Variants in DCBLD2 observed in about 807,000 individuals in gnomAD.
DCBLD2 encodes discoidin, CUB and LCCL domain-containing protein 2.
DCBLD2 carries 54 observed loss-of-function variants against 86.8 expected under a neutral mutation model. The ratio of observed to expected loss-of-function variants is 0.62; its 90% CI spans 0.50 to 0.78. The LOEUF (loss-of-function observed/expected upper bound fraction) is 0.78, where lower values mean the gene tolerates loss of function less well. Ranked by LOEUF, DCBLD2 falls within the 30% of genes least tolerant of loss-of-function variation. The probability of loss-of-function intolerance (pLI) is 0.00; values close to 1 mark genes in which losing one functional copy is unlikely to be tolerated. For missense variants in DCBLD2, 908 were observed against 954.2 expected (o/e 0.95, Z 0.64); for synonymous variants, 354 against 341.3 (o/e 1.04, Z -0.41).
intron 2 of DCBLD2, among the ~76,000 whole-genome samples, chr3:98,862,662 A>G (rs940940714): frequency 3.9e-5 from 6 of 152,214 alleles, no homozygotes; most frequent in Admixed American, 3.9e-4. Flanking sequence ...GTTTGACAAA[A>G]TTCAACAGCC....
chr3:98,825,643 T>TTATATATATATATATA lies in DCBLD2; in HGVS notation c.572-293_572-278dup, dbSNP rs56736194. On this transcript the variant is annotated intron_variant, in intron 3 of 15. Coordinates refer to ENST00000326840, the MANE Select transcript of DCBLD2 (RefSeq NM_080927.4). ...TACACACATATATGTATATGTGTAT[T>TTATATATATATATATA]TATATATATATATATATATATATAT... 8.7e-3 allele frequency among the ~76,000 whole-genome samples: 994 copies of TTATATATATATATATA among 114,712 alleles called. 19 individuals are homozygous for TTATATATATATATATA. Among genetic ancestry groups the TTATATATATATATATA allele is most frequent in the Non-Finnish European group, 0.012 (683 of 55,708 alleles). 75.3% of individuals were successfully genotyped at this position (114,712 alleles called of 152,430 possible).
intron 3 of DCBLD2, among the ~76,000 whole-genome samples, chr3:98,848,770 A>G (rs760557620): frequency 2.0e-5 from 3 of 152,190 alleles, no homozygotes; most frequent in Admixed American, 6.5e-5. Context: ...TTATTCTTTG[A>G]AAATAATGGT....
intron 4 of DCBLD2, among the ~76,000 whole-genome samples, chr3:98,823,255 A>C (rs1180467475): frequency 1.3e-5 from 2 of 152,068 alleles, no homozygotes; most frequent in East Asian, 3.8e-4. Context: ...CATTTGAAAC[A>C]TTTTTTTGTC....
chr3:98,858,261 G>A (rs544915224), intron 2 of DCBLD2, among the ~76,000 whole-genome samples: 1 of 152,354 alleles, frequency 6.6e-6, no homozygotes, highest in East Asian at 1.9e-4. Context: ...ACTCGCACTG[G>A]CCCGCAAGCG....
At chr3:98,865,394 T>G (rs1224585048) in intron 2 of DCBLD2, among the ~76,000 whole-genome samples, 1 of 152,062 alleles carries the variant, frequency 6.6e-6, no homozygotes, top group African/African-American at 2.4e-5. Context: ...ATGATCCCAC[T>G]CACATGTAGA....
intron 2 of DCBLD2, among the ~76,000 whole-genome samples, chr3:98,865,388 T>G (rs1298447228): frequency 6.6e-6 from 1 of 152,026 alleles, no homozygotes; most frequent in African/African-American, 2.4e-5. Flanking sequence ...TACTACATGA[T>G]CCCACTCACA....
intron 2 of DCBLD2, among the ~76,000 whole-genome samples, chr3:98,873,961 C>G (rs1206986850): frequency 1.3e-5 from 2 of 152,096 alleles, no homozygotes; most frequent in Non-Finnish European, 2.9e-5. Context: ...TTCTATTTTA[C>G]AGACATCATG....
intron 2 of DCBLD2, among the ~76,000 whole-genome samples, chr3:98,867,156 G>A (rs1367608734): frequency 2.0e-5 from 3 of 152,204 alleles, no homozygotes; most frequent in Non-Finnish European, 4.4e-5. Flanking sequence ...CTCCCGCTTT[G>A]TTCTTTTGGC....
At chr3:98,841,550 A>G (rs1261564565) in intron 3 of DCBLD2, among the ~76,000 whole-genome samples, 6 of 152,174 alleles carry the variant, frequency 3.9e-5, no homozygotes, top group Admixed American at 3.9e-4. Flanking sequence ...TCATAGAAAT[A>G]TTTTTGATTG....
At position 98,825,299 on chromosome 3, in the gene DCBLD2, A is replaced by G. The variant is rs367995656; in HGVS notation, c.623+16T>C. The G allele has an allele frequency of 3.2e-5, 47 of 1,488,926 alleles. No individual in the cohort carries two copies. Among genetic ancestry groups the G allele is most frequent in the Non-Finnish European group, 4.1e-5 (46 of 1,124,778 alleles). 92.2% of individuals were successfully genotyped at this position (1,488,926 alleles called of 1,614,324 possible). On this transcript the variant is annotated intron_variant, in intron 4 of 15. Transcript: ENST00000326840. The stretch of plus-strand genomic sequence containing the variant: ...TTAAGCAAAAAAAAAAAAAAAAGTC[A>G]CAAATATAATCATACCTGAACTCAG...
chr3:98,822,126 A>G, intron 6 of DCBLD2, 102 bp downstream of exon 6: 3 of 1,349,242 alleles, frequency 2.2e-6, no homozygotes, highest in East Asian at 4.6e-5. Flanking sequence ...CATGAACACC[A>G]TTAACAGTGA....
chr3:98,852,658 G>A (rs1224683787), intron 2 of DCBLD2, among the ~76,000 whole-genome samples: 2 of 152,142 alleles, frequency 1.3e-5, no homozygotes, highest in African/African-American at 2.4e-5. Context: ...TAATCAGGTA[G>A]GCCCATTAAA....
chr3:98,858,209 C>G (rs925152684), intron 2 of DCBLD2, among the ~76,000 whole-genome samples: 5 of 152,226 alleles, frequency 3.3e-5, no homozygotes, highest in African/African-American at 1.2e-4. Flanking sequence ...GGCCAGCTGG[C>G]CACTCCGAGT....
At chr3:98,870,336 T>G (rs1943236816) in intron 2 of DCBLD2, among the ~76,000 whole-genome samples, 1 of 152,228 alleles carries the variant, frequency 6.6e-6, no homozygotes, top group Non-Finnish European at 1.5e-5. Context: ...CTGTGTTGAT[T>G]ACTGTAGCCT....
intron 3 of DCBLD2, among the ~76,000 whole-genome samples, chr3:98,845,126 A>G (rs1406242198): frequency 6.6e-6 from 1 of 152,206 alleles, no homozygotes; most frequent in Non-Finnish European, 1.5e-5. Flanking sequence ...TCCTTTCACT[A>G]TCTTTCAAAA....
chr3:98,861,731 G>C (rs759182653), intron 2 of DCBLD2, among the ~76,000 whole-genome samples: 2 of 152,126 alleles, frequency 1.3e-5, no homozygotes, highest in Admixed American at 1.3e-4. Flanking sequence ...AAAGCAGTGT[G>C]TAGAGGGAAA....
chr3:98,893,527 C>G (rs1943698416), intron 1 of DCBLD2, among the ~76,000 whole-genome samples: 1 of 152,006 alleles, frequency 6.6e-6, no homozygotes, highest in Non-Finnish European at 1.5e-5. Context: ...TTTTTTATTG[C>G]AAGGGTTAAA....
At chr3:98,831,717 G>T (rs1432724923) in intron 3 of DCBLD2, among the ~76,000 whole-genome samples, 1 of 152,092 alleles carries the variant, frequency 6.6e-6, no homozygotes, top group Non-Finnish European at 1.5e-5. Context: ...TTACTCCAAA[G>T]TTATTCTGGA....
chr3:98,900,044 C>T (rs1943820548), intron 1 of DCBLD2, among the ~76,000 whole-genome samples: 1 of 152,120 alleles, frequency 6.6e-6, no homozygotes, highest in Non-Finnish European at 1.5e-5. Context: ...TATATAGAAA[C>T]GTGTCTAGAT....
Sources: gnomAD v4.1 joint callset for allele counts (sites outside exome capture counted in the v4.1 genomes callset) on GRCh38, gnomAD v4.1.1 for gene constraint, MANE v1.5 for transcripts, NCBI Gene and HGNC (gene_info 2026-07-23, HGNC 2026-07-21) for gene names.